SCAPER: variants seen among roughly 807,000 people sequenced by gnomAD.
SCAPER encodes S phase cyclin A-associated protein in the endoplasmic reticulum.
A neutral mutation model predicts 182.2 loss-of-function variants in SCAPER; 98 were observed. That is an observed-to-expected ratio of 0.54 (90% confidence interval 0.46 to 0.64). SCAPER has a LOEUF of 0.64. SCAPER is among the 30% of genes least tolerant of loss of function. The probability of loss-of-function intolerance (pLI) is 0.00; values close to 1 mark genes in which losing one functional copy is unlikely to be tolerated. For synonymous variants in SCAPER, 605 were observed against 564.6 expected (o/e 1.07, Z -1.01); for missense variants, 1,432 against 1,690.0 (o/e 0.85, Z 2.68).
At chr15:76,795,501 T>C in intron 7 of SCAPER, 61 bp from the exon 8 acceptor site, 3 of 1,262,302 alleles carry the variant, frequency 2.4e-6, no homozygotes, top group Non-Finnish European at 3.1e-6. Flanking sequence ...TCTGAATATA[T>C]GCTAAATGTA....
chr15:76,731,169 C>T (rs548156678), intron 16 of SCAPER, among the ~76,000 whole-genome samples: 1 of 152,040 alleles, frequency 6.6e-6, no homozygotes, highest in Non-Finnish European at 1.5e-5. Context: ...TATATAGCCA[C>T]AAGGAAAGAA....
chr15:76,652,371 C>CATATATATATATATATATAT (rs56164668), intron 21 of SCAPER, among the ~76,000 whole-genome samples: 2 of 8,064 alleles, frequency 2.5e-4, no homozygotes, highest in Non-Finnish European at 4.3e-4. Context: ...CACACACACA[C>CATATATATATATATATATAT]ATATATATAT....
At chr15:76,753,703 C>A in intron 15 of SCAPER, 105 bp downstream of exon 15, 1 of 1,293,612 alleles carries the variant, frequency 7.7e-7, no homozygotes, top group East Asian at 2.4e-5. Flanking sequence ...TGTTATTCTA[C>A]AACAGAATAA....
intron 9 of SCAPER, 52 bp downstream of exon 9, chr15:76,774,803 G>A (rs963715366): frequency 1.0e-5 from 16 of 1,532,184 alleles, no homozygotes; most frequent in Admixed American, 2.0e-5. Context: ...CAGTACACAT[G>A]TACACATACA....
chr15:76,512,433 C>T (rs1316928945), intron 23 of SCAPER, among the ~76,000 whole-genome samples: 2 of 151,726 alleles, frequency 1.3e-5, no homozygotes, highest in African/African-American at 4.8e-5. Context: ...TAGTGTAAAG[C>T]CTTTAGGTAC....
intron 2 of SCAPER, among the ~76,000 whole-genome samples, chr15:76,871,094 T>C (rs949724135): frequency 6.6e-6 from 1 of 151,926 alleles, no homozygotes; most frequent in Non-Finnish European, 1.5e-5. Context: ...CATGCAGAAA[T>C]ATGTGAAAAT....
chr15:76,819,576 A>C (rs1022459762), intron 5 of SCAPER, among the ~76,000 whole-genome samples: 1 of 152,084 alleles, frequency 6.6e-6, no homozygotes, highest in African/African-American at 2.4e-5. Context: ...CACATCAAAA[A>C]CCCATCTGTA....
chr15:76,501,758 T>C (rs768362603), intron 24 of SCAPER, among the ~76,000 whole-genome samples: 2 of 152,164 alleles, frequency 1.3e-5, no homozygotes, highest in Non-Finnish European at 2.9e-5. Flanking sequence ...GGGAACCCGC[T>C]AGGGATGGAA....
intron 28 of SCAPER, chr15:76,380,204 C>G (rs977835005): frequency 6.6e-6 from 1 of 152,082 alleles, no homozygotes; most frequent in Non-Finnish European, 1.5e-5. Context: ...GAGGCAAGAA[C>G]TACTGACATT....
intron 21 of SCAPER, among the ~76,000 whole-genome samples, chr15:76,624,557 G>A (rs1161384022): frequency 6.6e-6 from 1 of 152,126 alleles, no homozygotes; most frequent in Non-Finnish European, 1.5e-5. Flanking sequence ...GCAAATTTGA[G>A]TATTTTGTCA....
intron 25 of SCAPER, among the ~76,000 whole-genome samples, chr15:76,442,297 T>G (rs2047668823): frequency 6.6e-6 from 1 of 152,242 alleles, no homozygotes; most frequent in African/African-American, 2.4e-5. Flanking sequence ...ATGCTGTGCT[T>G]TACTGCAGCA....
At chr15:76,823,392 G>A (rs142202228) in intron 5 of SCAPER, among the ~76,000 whole-genome samples, 7 of 151,992 alleles carry the variant, frequency 4.6e-5, no homozygotes, top group South Asian at 2.1e-4. Flanking sequence ...CTTGGGAGGC[G>A]GAGGTTCCAG....
intron 23 of SCAPER, among the ~76,000 whole-genome samples, chr15:76,573,617 A>T (rs1466667702): frequency 6.6e-6 from 1 of 152,154 alleles, no homozygotes; most frequent in African/African-American, 2.4e-5. Flanking sequence ...ATAAAATGTT[A>T]TCAGTTGCTA....
chr15:76,794,852 A>G (rs982182069), intron 8 of SCAPER, among the ~76,000 whole-genome samples: 1 of 152,230 alleles, frequency 6.6e-6, no homozygotes, highest in Non-Finnish European at 1.5e-5. Flanking sequence ...GATGGTATAG[A>G]AAATGGATGT....
intron 24 of SCAPER, among the ~76,000 whole-genome samples, chr15:76,497,552 A>G (rs1349615391): frequency 6.6e-6 from 1 of 152,154 alleles, no homozygotes; most frequent in Non-Finnish European, 1.5e-5. Context: ...AGCCAACAAG[A>G]AAGAAGAAAA....
intron 27 of SCAPER, among the ~76,000 whole-genome samples, chr15:76,397,474 C>CTTTT (rs71143321): frequency 0.013 from 963 of 71,454 alleles, 10 homozygotes; most frequent in Non-Finnish European, 0.018. Flanking sequence ...TATTGGCAGA[C>CTTTT]TTTTTTTTTT....
At chr15:76,497,126 C>T (rs2040634301) in intron 24 of SCAPER, among the ~76,000 whole-genome samples, 1 of 2,164 alleles carries the variant, frequency 4.6e-4, no homozygotes, top group African/African-American at 6.3e-4. Context: ...TTTTTTTTTC[C>T]CAAAACGGCC....
chr15:76,780,606 C>G (rs147313598), intron 8 of SCAPER, among the ~76,000 whole-genome samples: 4 of 152,194 alleles, frequency 2.6e-5, no homozygotes, highest in Non-Finnish European at 5.9e-5. Flanking sequence ...AGTAGCCTAA[C>G]TGGAAGATAC....
At chr15:76,642,408 A>G (rs1330239921) in intron 21 of SCAPER, among the ~76,000 whole-genome samples, 2 of 152,250 alleles carry the variant, frequency 1.3e-5, no homozygotes, top group Non-Finnish European at 2.9e-5. Context: ...GTAGAAAGTT[A>G]AAAGTACAAT....
Sources: gnomAD v4.1 joint callset for allele counts (sites outside exome capture counted in the v4.1 genomes callset) on GRCh38, gnomAD v4.1.1 for gene constraint, MANE v1.5 for transcripts, NCBI Gene and HGNC (gene_info 2026-07-23, HGNC 2026-07-21) for gene names.